Variants in NIBAN1 observed in about 807,000 individuals in gnomAD.
NIBAN1 encodes the protein niban apoptosis regulator 1.
Under a neutral mutation model 75.1 loss-of-function variants are expected in NIBAN1, and 81 were observed. The observed-to-expected ratio is 1.08, with a 90% CI of 0.90 to 1.30. NIBAN1 has a LOEUF of 1.30. Among genes scored for constraint, NIBAN1 ranks in the 50% most tolerant of loss-of-function variants. The pLI is 0.00. For synonymous variants in NIBAN1, 436 were observed against 424.8 expected (o/e 1.03, Z -0.32); for missense variants, 1,133 against 1,128.1 (o/e 1.00, Z -0.06).
intron 1 of NIBAN1, among the ~76,000 whole-genome samples, chr1:184,903,717 C>A (rs1374937726): frequency 6.7e-6 from 1 of 148,574 alleles, no homozygotes; most frequent in Non-Finnish European, 1.5e-5. Flanking sequence ...AACCAAGAAC[C>A]ATGAGCCGAT....
chr1:184,917,715 T>C (rs969925214), intron 1 of NIBAN1, among the ~76,000 whole-genome samples: 3 of 152,030 alleles, frequency 2.0e-5, no homozygotes, highest in South Asian at 2.1e-4. Flanking sequence ...CCCCCCAATA[T>C]TTTTCGTCCA....
chr1:184,792,314 T>A lies in NIBAN1; in HGVS notation c.*2663A>T, dbSNP rs1278952370. The stretch of plus-strand genomic sequence containing the variant: ...TTCTGGAGTACATCCTGCCAAATAG[T>A]GCCCAGTCCTCCCTGACCTACATGA... On this transcript the variant is annotated 3_prime_UTR_variant, in exon 14 of 14. Coordinates refer to ENST00000367511, the MANE Select transcript of NIBAN1 (RefSeq NM_052966.4). The A allele has an allele frequency of 6.6e-6, 1 of 152,316 alleles. No homozygotes were observed. Among genetic ancestry groups the A allele is most frequent in the Non-Finnish European group, 1.5e-5 (1 of 68,066 alleles). The allele number at this position is 152,316 out of a possible 1,614,324, so 9.4% of individuals were successfully genotyped here.
chr1:184,811,502 T>TTTTTTTTTTTG (rs571605097), intron 9 of NIBAN1, among the ~76,000 whole-genome samples: 94,992 of 125,860 alleles, frequency 0.75, 34,997 homozygotes, highest in African/African-American at 0.81. Context: ...ACTTTCTTCC[T>TTTTTTTTTTTG]TTTTTTTTTT....
chr1:184,878,589 G>A (rs543371703), intron 5 of NIBAN1, among the ~76,000 whole-genome samples: 33 of 152,236 alleles, frequency 2.2e-4, no homozygotes, highest in African/African-American at 7.9e-4. Context: ...ACAATTTATC[G>A]AGAAGCCAGA....
At chr1:184,927,995 C>G (rs1035012018) in intron 1 of NIBAN1, among the ~76,000 whole-genome samples, 5 of 152,008 alleles carry the variant, frequency 3.3e-5, no homozygotes, top group Non-Finnish European at 5.9e-5. Context: ...TCACTCAATG[C>G]CCATGGCAAG....
chr1:184,832,524 CGAGGA>C (rs1363554026), intron 5 of NIBAN1, among the ~76,000 whole-genome samples: 1 of 152,134 alleles, frequency 6.6e-6, no homozygotes, highest in African/African-American at 2.4e-5. Flanking sequence ...CAAAAACCCT[CGAGGA>C]GAGTATAATT....
At chr1:184,889,994 G>T in intron 4 of NIBAN1, 114 bp downstream of exon 4, 1 of 796,786 alleles carries the variant, frequency 1.3e-6, no homozygotes, top group Non-Finnish European at 2.1e-6. Flanking sequence ...AATGTCTCCA[G>T]ATGCTGCCAA....
chr1:184,795,180 G>T lies in NIBAN1; in HGVS notation c.2584C>A (p.Gln862Lys). Residue 862 changes from glutamine (Q) to lysine (K), a missense_variant, in exon 14 of 14, where the codon CAA becomes AAA. Coordinates refer to ENST00000367511, the MANE Select transcript of NIBAN1 (RefSeq NM_052966.4). ...CTGCTTTGCCCTCCCATCTCTTCTT[G>T]TTCCTCAGAAACCTGGCTCTCACTG... ...CLSESQVSEE[Q>K]EEMGGQSSAA... 6.2e-7 allele frequency: 1 copy of T among 1,614,166 alleles called. No individual in the cohort carries two copies. Among genetic ancestry groups the T allele is most frequent in the Non-Finnish European group, 8.5e-7 (1 of 1,180,050 alleles).
intron 5 of NIBAN1, among the ~76,000 whole-genome samples, chr1:184,860,601 A>C (rs1479495844): frequency 6.6e-6 from 1 of 152,232 alleles, no homozygotes; most frequent in Non-Finnish European, 1.5e-5. Flanking sequence ...TCATTGTACT[A>C]AGTACTGTCT....
intron 11 of NIBAN1, among the ~76,000 whole-genome samples, chr1:184,805,745 C>G (rs1348128651): frequency 6.6e-6 from 1 of 152,112 alleles, no homozygotes; most frequent in African/African-American, 2.4e-5. Context: ...TGCTGAGGAC[C>G]AGCAGTGGCC....
At chr1:184,964,818 C>T (rs1347789949) in intron 1 of NIBAN1, among the ~76,000 whole-genome samples, 1 of 152,184 alleles carries the variant, frequency 6.6e-6, no homozygotes, top group Non-Finnish European at 1.5e-5. Flanking sequence ...TTTGAAGTAC[C>T]TAATATATGT....
At chr1:184,840,907 C>G (rs1480705843) in intron 5 of NIBAN1, among the ~76,000 whole-genome samples, 1 of 151,788 alleles carries the variant, frequency 6.6e-6, no homozygotes, top group Admixed American at 6.6e-5. Flanking sequence ...GGAGGGAAAT[C>G]TCCAGGGCAT....
intron 1 of NIBAN1, among the ~76,000 whole-genome samples, chr1:184,949,575 G>C (rs1658310638): frequency 6.6e-6 from 1 of 152,096 alleles, no homozygotes; most frequent in Admixed American, 6.5e-5. Flanking sequence ...CCAAACATGG[G>C]CTGCCCCAAT....
chr1:184,856,615 T>G (rs1459834761), intron 5 of NIBAN1, among the ~76,000 whole-genome samples: 1 of 152,202 alleles, frequency 6.6e-6, no homozygotes, highest in Non-Finnish European at 1.5e-5. Flanking sequence ...TATTATATAT[T>G]CACTCACTCC....
chr1:184,968,209 C>CAAAA (rs1176738165), intron 1 of NIBAN1, among the ~76,000 whole-genome samples: 167 of 8,796 alleles, frequency 0.019, 39 homozygotes, highest in South Asian at 0.096. Flanking sequence ...GACTCCGTCT[C>CAAAA]AAAAAAAAAA....
Position 184,899,519 on chromosome 1 carries a change from C to T in NIBAN1, c.56-210G>A, listed in dbSNP as rs376791273. On this transcript the variant is annotated intron_variant, in intron 1 of 13. Transcript: ENST00000367511. ...TACCTGCTGCACATGCCCCATCTCTCCCTCTCCTTCTGGCATCATCCTGAG... is the reference window on the plus strand; with the variant it reads ...TACCTGCTGCACATGCCCCATCTCTTCCTCTCCTTCTGGCATCATCCTGAG... Among the ~76,000 whole-genome samples, 11 of 152,204 alleles carry T rather than the reference C, an allele frequency of 7.2e-5. No individual in the cohort carries two copies. The East Asian group carries it at 2.1e-3, about 29-fold the overall frequency.
intron 9 of NIBAN1, among the ~76,000 whole-genome samples, chr1:184,809,633 G>A (rs541778879): frequency 1.3e-3 from 167 of 126,326 alleles, no homozygotes; most frequent in African/African-American, 7.5e-3. Context: ...ACATATATAT[G>A]TGTGTGTGTA....
At chr1:184,887,218 A>C (rs1656549617) in intron 4 of NIBAN1, among the ~76,000 whole-genome samples, 1 of 152,176 alleles carries the variant, frequency 6.6e-6, no homozygotes, top group East Asian at 1.9e-4. Flanking sequence ...TGGAATCTGA[A>C]GGTAACAGAG....
chr1:184,834,397 T>C (rs983506915), intron 5 of NIBAN1, among the ~76,000 whole-genome samples: 3 of 152,236 alleles, frequency 2.0e-5, no homozygotes, highest in Non-Finnish European at 4.4e-5. Flanking sequence ...CTGGGTCAAA[T>C]GGTATTCCTA....
Sources: gnomAD v4.1 joint callset for allele counts (sites outside exome capture counted in the v4.1 genomes callset) on GRCh38, gnomAD v4.1.1 for gene constraint, MANE v1.5 for transcripts, NCBI Gene and HGNC (gene_info 2026-07-23, HGNC 2026-07-21) for gene names.